The following HSF2BP variants were observed in gnomAD, a reference collection of about 807,000 sequenced individuals.
The protein encoded by HSF2BP is heat shock transcription factor 2 binding protein, also known as heat shock factor 2-binding protein.
Under a neutral mutation model 35.0 loss-of-function variants are expected in HSF2BP, and 35 were observed. That is an observed-to-expected ratio of 1.00 (90% CI 0.76 to 1.32). HSF2BP has a LOEUF of 1.32. Among genes scored for constraint, HSF2BP ranks in the 40% most tolerant of loss-of-function variants. The pLI, the probability that HSF2BP is intolerant of heterozygous loss-of-function variation, is 0.00. For synonymous variants in HSF2BP, 114 were observed against 117.4 expected (o/e 0.97, Z 0.18); for missense variants, 326 against 321.7 (o/e 1.01, Z -0.10).
chr21:43,652,288 A>G (rs765279224), intron 3 of HSF2BP, among the ~76,000 whole-genome samples: 12 of 151,854 alleles, frequency 7.9e-5, no homozygotes, highest in Non-Finnish European at 1.0e-4. Flanking sequence ...CTGTATTCCC[A>G]GCTACTCTGG....
At chr21:43,577,983 G>A (rs919703424) in intron 8 of HSF2BP, among the ~76,000 whole-genome samples, 28 of 152,160 alleles carry the variant, frequency 1.8e-4, no homozygotes, top group African/African-American at 6.3e-4. Flanking sequence ...TAACTCCACC[G>A]CCTATCCCAA....
chr21:43,658,132 C>A lies in HSF2BP; in HGVS notation c.-36G>T, dbSNP rs1245149419. ...GCCTCCGCTCCGTTCGCCTGAGCGTCGGCGCGCCCTCTGACCCCTCACGCC... is the reference window on the plus strand; with the variant it reads ...GCCTCCGCTCCGTTCGCCTGAGCGTAGGCGCGCCCTCTGACCCCTCACGCC... On this transcript the variant is annotated 5_prime_UTR_variant, in exon 2 of 9. Transcript: ENST00000291560. 1 of 1,508,626 alleles carries A rather than the reference C, an allele frequency of 6.6e-7. No individual in the cohort carries two copies. Among genetic ancestry groups the A allele is most frequent in the South Asian group, 1.2e-5 (1 of 80,882 alleles). 93.5% of individuals were successfully genotyped at this position (1,508,626 alleles called of 1,614,324 possible). A position where few individuals can be genotyped will look rare whatever the true frequency, so the allele number is the denominator to read the frequency against.
At chr21:43,650,422 G>T (rs1033343360) in intron 3 of HSF2BP, among the ~76,000 whole-genome samples, 2 of 151,978 alleles carry the variant, frequency 1.3e-5, no homozygotes, top group African/African-American at 4.8e-5. Context: ...AGCCAGGATG[G>T]TCTCGATCTC....
intron 7 of HSF2BP, among the ~76,000 whole-genome samples, chr21:43,598,498 A>G (rs576730026): frequency 6.6e-6 from 1 of 151,798 alleles, no homozygotes; most frequent in Non-Finnish European, 1.5e-5. Context: ...CTGGCATTAC[A>G]GGCATGAGCC....
chr21:43,467,990 CCACACACACCACACA>C, the HSF2BP span, among the ~76,000 whole-genome samples: 5 of 76,902 alleles, frequency 6.5e-5, no homozygotes, highest in Non-Finnish European at 1.3e-4. Context: ...CACACCACAC[CCACACACACCACACA>C]CACCACAAAC....
At chr21:43,609,453 A>T (rs1044380475) in intron 7 of HSF2BP, among the ~76,000 whole-genome samples, 5 of 151,576 alleles carry the variant, frequency 3.3e-5, no homozygotes, top group South Asian at 2.1e-4. Context: ...AATTTTTTTA[A>T]AAAATGGGCA....
intron 5 of HSF2BP, among the ~76,000 whole-genome samples, chr21:43,632,405 A>G (rs535648900): frequency 9.5e-6 from 1 of 105,456 alleles, no homozygotes; most frequent in Non-Finnish European, 1.9e-5. Context: ...ACACTCCCCC[A>G]CACACACATG....
intron 8 of HSF2BP, among the ~76,000 whole-genome samples, chr21:43,580,754 G>A (rs892709467): frequency 3.9e-5 from 6 of 152,264 alleles, no homozygotes; most frequent in South Asian, 4.1e-4. Flanking sequence ...ATTCTTTGTC[G>A]GTGAAGATCT....
At chr21:43,658,384 C>CT in intron 1 of HSF2BP, 64 bp from the exon 2 acceptor site, 1 of 465,156 alleles carries the variant, frequency 2.1e-6, no homozygotes, top group Non-Finnish European at 3.8e-6. Flanking sequence ...CGGATGGGTC[C>CT]TTTCCTGTTT....
chr21:43,576,914 T>C (rs890853373), intron 8 of HSF2BP, among the ~76,000 whole-genome samples: 3 of 152,242 alleles, frequency 2.0e-5, no homozygotes, highest in African/African-American at 7.2e-5. Context: ...TTCATTGGTC[T>C]AAAGTGGATA....
In HSF2BP at chr21:43,613,909, T is replaced by G; in HGVS notation, c.613A>C (p.Asn205His). The change falls in exon 7 of 9, where the codon AAT becomes CAT. Residue 205 changes from asparagine (N) to histidine (H), a missense_variant. Transcript: ENST00000291560. Reference sequence around the variant, plus strand: ...GTGTCCAAGAGCACCCGGCTTGAATTAACCAAGAATTCACGACCACATGCT... The same window carrying G: ...GTGTCCAAGAGCACCCGGCTTGAATGAACCAAGAATTCACGACCACATGCT... ...AIACGREFLV[N>H]SSRVLLDTIL... 2 of 1,608,900 alleles carry G rather than the reference T, an allele frequency of 1.2e-6. No homozygotes were observed. The highest frequency in any genetic ancestry group is 1.7e-6 in the Non-Finnish European group (2 of 1,178,894).
intron 3 of HSF2BP, among the ~76,000 whole-genome samples, chr21:43,645,789 A>G (rs1239665596): frequency 6.6e-6 from 1 of 152,152 alleles, no homozygotes; most frequent in Non-Finnish European, 1.5e-5. Context: ...GGGCTTTCGA[A>G]TCTAGGGGTC....
At chr21:43,602,563 G>C (rs993909024) in intron 7 of HSF2BP, among the ~76,000 whole-genome samples, 1 of 152,148 alleles carries the variant, frequency 6.6e-6, no homozygotes, top group Admixed American at 6.5e-5. Context: ...TGCTGGGCAG[G>C]ATAAACCAAC....
intron 5 of HSF2BP, among the ~76,000 whole-genome samples, chr21:43,632,749 C>T (rs1006276183): frequency 2.0e-5 from 3 of 152,096 alleles, no homozygotes; most frequent in Admixed American, 1.3e-4. Context: ...TGTTAATCAA[C>T]GATTTATGTT....
chr21:43,507,227 C>A, the HSF2BP span, among the ~76,000 whole-genome samples: 11,088 of 121,528 alleles, frequency 0.091, 2,244 homozygotes, highest in African/African-American at 0.27. Context: ...GAGAAAGAGA[C>A]AGAGCTGGAG....
the HSF2BP span, among the ~76,000 whole-genome samples, chr21:43,507,174 C>T: frequency 6.9e-5 from 9 of 129,544 alleles, 1 homozygote; most frequent in South Asian, 5.0e-4. Context: ...AATTAAAGAA[C>T]GTGTAAGCAG....
At chr21:43,653,545 G>C (rs1336436233) in intron 3 of HSF2BP, among the ~76,000 whole-genome samples, 1 of 152,228 alleles carries the variant, frequency 6.6e-6, no homozygotes, top group Admixed American at 6.5e-5. Flanking sequence ...CTCTGAGCCG[G>C]GGCTGTGCCC....
intron 4 of HSF2BP, among the ~76,000 whole-genome samples, chr21:43,643,500 C>CA (rs1348279039): frequency 6.6e-6 from 1 of 152,158 alleles, no homozygotes; most frequent in Non-Finnish European, 1.5e-5. Flanking sequence ...CTGGCTTCCT[C>CA]AGTTTCTCTC....
intron 2 of HSF2BP, chr21:43,657,730 A>G (rs1479301209): frequency 1.9e-5 from 12 of 622,426 alleles, no homozygotes; most frequent in Non-Finnish European, 2.4e-5. Flanking sequence ...GCAGGGGGCC[A>G]GGGCCTTCGG....
Sources: allele counts gnomAD v4.1 joint callset (sites outside exome capture counted in the v4.1 genomes callset), GRCh38; gene constraint gnomAD v4.1.1; transcripts MANE v1.5; gene names NCBI Gene and HGNC (gene_info 2026-07-23, HGNC 2026-07-21).